The following STAC2 variants were observed in gnomAD, a reference collection of about 807,000 sequenced individuals.
The protein encoded by STAC2 is SH3 and cysteine-rich domain-containing protein 2.
A neutral mutation model predicts 49.0 loss-of-function variants in STAC2; 36 were observed. That is an observed-to-expected ratio of 0.74 (90% CI 0.56 to 0.97). The LOEUF is 0.97. Ranked by LOEUF, STAC2 falls within the 50% of genes least tolerant of loss-of-function variation. STAC2 has a pLI of 0.00. For synonymous variants in STAC2, 239 were observed against 214.7 expected (o/e 1.11, Z -0.99); for missense variants, 527 against 543.8 (o/e 0.97, Z 0.31).
chr17:39,219,486 C>A (rs939151665), intron 1 of STAC2, among the ~76,000 whole-genome samples: 3 of 152,150 alleles, frequency 2.0e-5, no homozygotes, highest in Non-Finnish European at 2.9e-5. Flanking sequence ...CAGCTCCACT[C>A]GGGTGATGCT....
Position 39,225,405 on chromosome 17 carries a change from C to A in STAC2, c.90+8G>T. 1.3e-6 allele frequency: 2 copies of A among 1,599,432 alleles called. No individual in the cohort carries two copies. Among genetic ancestry groups the A allele is most frequent in the Non-Finnish European group, 1.7e-6 (2 of 1,176,052 alleles). Reference sequence around the variant, plus strand: ...GGGCGCGGACAGGCCTTGCGCCCCCCAAGTTACCTTGGTTTCCTGGAGGGC... The same window carrying A: ...GGGCGCGGACAGGCCTTGCGCCCCCAAAGTTACCTTGGTTTCCTGGAGGGC... On this transcript the variant is annotated splice_region_variant and intron_variant, in intron 1 of 10. Coordinates refer to ENST00000333461, the MANE Select transcript of STAC2 (RefSeq NM_198993.5). The surrounding 1 kb of genome is among the most constrained non-coding windows in gnomAD (Gnocchi z 8.2).
intron 8 of STAC2, 45 bp from the exon 9 acceptor site, chr17:39,213,603 G>T (rs2046374277): frequency 6.2e-7 from 1 of 1,604,542 alleles, no homozygotes; most frequent in African/African-American, 1.3e-5. Context: ...AGGGAGTAGT[G>T]CCCCTCCCCA....
At chr17:39,219,270 C>T (rs979836856) in intron 1 of STAC2, among the ~76,000 whole-genome samples, 2 of 152,192 alleles carry the variant, frequency 1.3e-5, no homozygotes, top group African/African-American at 4.8e-5. Flanking sequence ...TGAGAATCCT[C>T]AATTCTCAAA....
In STAC2 at chr17:39,216,548, A is replaced by C. The variant is rs550265701; in HGVS notation, c.586+262T>G. On this transcript the variant is annotated intron_variant, in intron 4 of 10. Coordinates refer to ENST00000333461, the MANE Select transcript of STAC2 (RefSeq NM_198993.5). ...AGGACAGGAACATCCAGAGAAGGGA[A>C]ATGGTAGGAACTGTCTGTGCCAGTG... Among the ~76,000 whole-genome samples, 41 of 152,336 alleles carry C rather than the reference A, an allele frequency of 2.7e-4. 1 individual carries two copies. Among genetic ancestry groups the C allele is most frequent in the Middle Eastern group, 6.8e-3 (2 of 294 alleles).
In STAC2 at chr17:39,212,227, CCT is replaced by C. The variant is rs2046360467; in HGVS notation, c.*63_*64del. ...TGGAGTGGACAAGGGGGCCTGATCCCCTCCCTGGCCAGAAGCAAGGTCCAGGC... is the reference window on the plus strand; with the variant it reads ...TGGAGTGGACAAGGGGGCCTGATCCCCCCTGGCCAGAAGCAAGGTCCAGGC... On this transcript the variant is annotated 3_prime_UTR_variant, in exon 11 of 11. Coordinates refer to ENST00000333461, the MANE Select transcript of STAC2 (RefSeq NM_198993.5). The C allele has an allele frequency of 1.6e-6, 2 of 1,228,634 alleles. No homozygotes were observed. Among genetic ancestry groups the C allele is most frequent in the Non-Finnish European group, 2.3e-6 (2 of 854,014 alleles). 76.1% of individuals were successfully genotyped at this position (1,228,634 alleles called of 1,614,324 possible).
chr17:39,214,924 C>G, intron 6 of STAC2, 27 bp downstream of exon 6: 2 of 1,614,032 alleles, frequency 1.2e-6, no homozygotes, highest in Non-Finnish European at 1.7e-6. Context: ...TACCCCATTC[C>G]TGCCCTTGAT....
At position 39,213,343 on chromosome 17, in the gene STAC2, C is replaced by A. The variant is rs542750577; in HGVS notation, c.993+164G>T. ...AAAGCTGAGGCAAGGAGAGTCAAAA[C>A]TGAGAGGATGTCCCAAGGGTTGGTC... On this transcript the variant is annotated intron_variant, in intron 9 of 10. Transcript: ENST00000333461. 2.0e-5 allele frequency among the ~76,000 whole-genome samples: 3 copies of A among 152,300 alleles called. No individual in the cohort carries two copies. The East Asian group carries it at 5.8e-4, about 29-fold the overall frequency.
rs759722603 is a variant in STAC2 at position 39,213,037 on chromosome 17, G to A, written c.1089C>T (p.Ser363=). ...ENVWRCCQPF[S]GNKEQGYMSL... is the part of the protein sequence containing the mutation. ...TCATGTAACCCTGTTCCTTGTTCCC[G>A]GAGAAGGGTTGGCAGCAGCGCCAAA... The change falls in exon 10 of 11, where the codon TCC becomes TCT. Residue 363 remains serine, a synonymous_variant. Coordinates refer to ENST00000333461, the MANE Select transcript of STAC2 (RefSeq NM_198993.5). The A allele has an allele frequency of 3.7e-5, 59 of 1,613,830 alleles. No individual in the cohort carries two copies. The highest frequency in any genetic ancestry group is 1.3e-4 in the Admixed American group (8 of 60,002).
Position 39,217,899 on chromosome 17 carries a change from C to A in STAC2, c.365G>T (p.Ser122Ile). The change falls in exon 2 of 11, where the codon AGC (serine) becomes ATC (isoleucine). Residue 122 changes from serine (S) to isoleucine (I), a missense_variant. Ser to Ile is a moderately radical substitution (Grantham distance 142). Coordinates refer to ENST00000333461, the MANE Select transcript of STAC2 (RefSeq NM_198993.5). ...SFQEHVFKRASPCELCHQLIV... is the reference protein window; with the variant it reads ...SFQEHVFKRAIPCELCHQLIV... Reference sequence around the variant, plus strand: ...GAGCTGGTGGCACAGCTCACAAGGGCTAGCTCGCTTGAAGACATGTTCCTG... The same window carrying A: ...GAGCTGGTGGCACAGCTCACAAGGGATAGCTCGCTTGAAGACATGTTCCTG... The A allele has an allele frequency of 6.2e-7, 1 of 1,606,992 alleles. No homozygotes were observed. Among genetic ancestry groups the A allele is most frequent in the Non-Finnish European group, 8.5e-7 (1 of 1,177,372 alleles).
Position 39,214,905 on chromosome 17 carries a change from C to T in STAC2, c.773-44G>A. The T allele has an allele frequency of 8.7e-6, 14 of 1,613,924 alleles. No individual in the cohort carries two copies. In the African/African-American group the frequency reaches 1.2e-4, roughly 14 times the overall value. On this transcript the variant is annotated intron_variant, in intron 6 of 10. Transcript: ENST00000333461. ...AAGGGTGAGAGGCAGCAGGGAGCAC[C>T]CTCCATTGTACCCCATTCCTGCCCT... is the stretch of plus-strand genomic sequence containing the variant.
chr17:39,222,803 C>A (rs759871549), intron 1 of STAC2, among the ~76,000 whole-genome samples: 2 of 152,204 alleles, frequency 1.3e-5, no homozygotes, highest in Non-Finnish European at 2.9e-5. Context: ...CCTGGCCTGC[C>A]TGTTTCCTCC....
chr17:39,217,790 T>G (rs1305788114), intron 2 of STAC2, 77 bp downstream of exon 2: 4 of 1,423,698 alleles, frequency 2.8e-6, no homozygotes, highest in Non-Finnish European at 3.8e-6. Context: ...CCCAATAATA[T>G]TGGGCGCAAC....
chr17:39,220,020 A>T (rs1420939022), intron 1 of STAC2, among the ~76,000 whole-genome samples: 4 of 152,192 alleles, frequency 2.6e-5, no homozygotes, highest in African/African-American at 9.6e-5. Flanking sequence ...AGCAGAGGGG[A>T]TGTTTGGGCA....
At chr17:39,217,844 C>T (rs1048583597) in intron 2 of STAC2, 23 bp downstream of exon 2, 12 of 1,583,700 alleles carry the variant, frequency 7.6e-6, no homozygotes, top group Admixed American at 5.3e-5. Context: ...TCCCCGTGGC[C>T]GCCTCAGTGC....
At chr17:39,224,485 C>T (rs1330114107) in intron 1 of STAC2, among the ~76,000 whole-genome samples, 1 of 152,150 alleles carries the variant, frequency 6.6e-6, no homozygotes, top group Non-Finnish European at 1.5e-5. Context: ...AGGGAGCAGA[C>T]GGATTAGAGG....
rs368435635 is a variant in STAC2 at position 39,215,029 on chromosome 17, G to T, written c.700-6C>A. ...GTCAGCTCATCCCGCTCACTCTAGGGACAGAGAGAGGAGAGGGCTCAGCCC... is the reference window on the plus strand; with the variant it reads ...GTCAGCTCATCCCGCTCACTCTAGGTACAGAGAGAGGAGAGGGCTCAGCCC... On this transcript the variant is annotated splice_region_variant and splice_polypyrimidine_tract_variant and intron_variant, in intron 5 of 10. Transcript: ENST00000333461. 1.6e-5 allele frequency: 26 copies of T among 1,613,958 alleles called. No individual in the cohort carries two copies. The African/African-American group carries it at 3.3e-4, about 21-fold the overall frequency.
chr17:39,213,758 C>T (rs1271193787), intron 8 of STAC2, among the ~76,000 whole-genome samples, 200 bp from the exon 9 acceptor site: 3 of 151,494 alleles, frequency 2.0e-5, no homozygotes, highest in Admixed American at 2.0e-4. Context: ...CTCACTGCAA[C>T]CTCCACCTTC....
chr17:39,216,865 G>C lies in STAC2; in HGVS notation c.531C>G (p.Leu177=). The change falls in exon 4 of 11, where the codon CTC becomes CTG. Residue 177 remains leucine (L), a synonymous_variant. Coordinates refer to ENST00000333461, the MANE Select transcript of STAC2 (RefSeq NM_198993.5). The part of the protein sequence containing the change: ...TSFRRNFSSP[L]LVHEPPPVCA... ...AGACTGGTGGCGGCTCATGCACCAG[G>C]AGAGGGGAACTGAAGTTGCGGCGGA... 1 of 1,605,026 alleles carries C rather than the reference G, an allele frequency of 6.2e-7. No individual in the cohort carries two copies. Among genetic ancestry groups the C allele is most frequent in the Non-Finnish European group, 8.5e-7 (1 of 1,175,936 alleles).
chr17:39,218,263 GGCA>G lies in STAC2; in HGVS notation c.91-93_91-91del, dbSNP rs553618301. ...TCAGGGTGTCTCTGGCGGTAGGGGC[GGCA>G]GCAGCAGCAGCAGCAGCAGCGTGGG... On this transcript the variant is annotated intron_variant, in intron 1 of 10. Coordinates refer to ENST00000333461, the MANE Select transcript of STAC2 (RefSeq NM_198993.5). 4.1e-3 allele frequency: 5,374 copies of G among 1,315,308 alleles called. 14 individuals carry two copies. Among genetic ancestry groups the G allele is most frequent in the South Asian group, 0.013 (1,053 of 79,858 alleles). 81.5% of individuals were successfully genotyped at this position (1,315,308 alleles called of 1,614,324 possible).
Sources: allele counts gnomAD v4.1 joint callset (sites outside exome capture counted in the v4.1 genomes callset), GRCh38; gene constraint gnomAD v4.1.1; non-coding constraint Gnocchi (gnomAD v3.1); transcripts MANE v1.5; gene names NCBI Gene and HGNC (gene_info 2026-07-23, HGNC 2026-07-21).